NTPCR: variants seen among roughly 807,000 people sequenced by gnomAD.
NTPCR encodes the protein cancer-related nucleoside-triphosphatase.
Under a neutral mutation model 19.5 loss-of-function variants are expected in NTPCR, and 15 were observed. The observed-to-expected ratio is 0.77, with a 90% CI of 0.51 to 1.18. The LOEUF is 1.18. Among genes scored for constraint, NTPCR ranks in the 50% most tolerant of loss-of-function variants. The probability of loss-of-function intolerance (pLI) is 0.00; values close to 1 mark genes in which losing one functional copy is unlikely to be tolerated. For missense variants in NTPCR, 206 were observed against 240.4 expected (o/e 0.86, Z 0.95); for synonymous variants, 90 against 95.8 (o/e 0.94, Z 0.36).
At chr1:232,956,264 T>C in intron 2 of NTPCR, 83 bp from the exon 3 acceptor site, 1 of 889,050 alleles carries the variant, frequency 1.1e-6, no homozygotes, top group East Asian at 2.5e-5. Context: ...ATATGTGGAA[T>C]GCCAGAGGCT....
chr1:232,975,913 C>A (rs948635974), intron 4 of NTPCR, among the ~76,000 whole-genome samples: 2 of 152,178 alleles, frequency 1.3e-5, no homozygotes, highest in African/African-American at 4.8e-5. Flanking sequence ...AAAAAGTAGA[C>A]TAGAATTTCA....
rs566043988 is a variant in NTPCR at position 232,970,926 on chromosome 1, TG to T, written c.504+813del. On this transcript the variant is annotated intron_variant, in intron 4 of 4. Transcript: ENST00000366628. ...TGCCCTGGTCCAAGGAGTCAAACTCTGGGGGATGGCCCCATGATCTGTTCTG... is the reference window on the plus strand; with the variant it reads ...TGCCCTGGTCCAAGGAGTCAAACTCTGGGGATGGCCCCATGATCTGTTCTG... Among the ~76,000 whole-genome samples the T allele has an allele frequency of 6.2e-4, 95 of 152,296 alleles. 1 individual carries two copies. In the East Asian group the frequency reaches 0.012, roughly 19 times the overall value.
chr1:232,959,651 A>T (rs1351647647), intron 3 of NTPCR, among the ~76,000 whole-genome samples: 1 of 152,232 alleles, frequency 6.6e-6, no homozygotes, highest in African/African-American at 2.4e-5. Context: ...ACTGGCAATG[A>T]AAACAACCAA....
rs527938428 is a variant in NTPCR at position 232,955,540 on chromosome 1, T to A, written c.35-17T>A. 2.4e-4 allele frequency: 362 copies of A among 1,491,480 alleles called. No individual in the cohort carries two copies. Among genetic ancestry groups the A allele is most frequent in the Non-Finnish European group, 2.6e-4 (289 of 1,128,470 alleles). The allele number at this position is 1,491,480 out of a possible 1,614,324, so 92.4% of individuals were successfully genotyped here. ...TAATGGGCTTTTCTTCTTTTTTTTT[T>A]TTTTTTTTTATTTTAGGAGTTGGAA... On this transcript the variant is annotated splice_polypyrimidine_tract_variant and intron_variant, in intron 1 of 4. Transcript: ENST00000366628.
chr1:232,982,647 G>A lies in NTPCR; in HGVS notation c.*4416G>A, dbSNP rs1669313534. 1 of 152,290 alleles carries A rather than the reference G, an allele frequency of 6.6e-6. No individual in the cohort carries two copies. Among genetic ancestry groups the A allele is most frequent in the Non-Finnish European group, 1.5e-5 (1 of 68,094 alleles). 9.4% of individuals were successfully genotyped at this position (152,290 alleles called of 1,614,324 possible). On this transcript the variant is annotated 3_prime_UTR_variant, in exon 5 of 5. Transcript: ENST00000366628. The stretch of plus-strand genomic sequence containing the variant: ...GCGCTGCCATTTCCTTCCAGCCTGG[G>A]TTTCTAGCTCTTTGGGGAGATTCCC...
chr1:232,951,517 G>T (rs1449378615), intron 1 of NTPCR, among the ~76,000 whole-genome samples: 2 of 152,188 alleles, frequency 1.3e-5, no homozygotes, highest in Non-Finnish European at 2.9e-5. Flanking sequence ...TACTAAAAAG[G>T]ACAGGTAGGC....
intron 4 of NTPCR, among the ~76,000 whole-genome samples, chr1:232,975,617 G>A (rs1669104516): frequency 6.6e-6 from 1 of 152,180 alleles, no homozygotes; most frequent in African/African-American, 2.4e-5. Flanking sequence ...GGATGAATGA[G>A]ATGTGGCCTC....
intron 4 of NTPCR, among the ~76,000 whole-genome samples, chr1:232,975,611 G>T (rs79523633): frequency 0.053 from 7,995 of 152,234 alleles, 261 homozygotes; most frequent in Middle Eastern, 0.13. Flanking sequence ...GTCACAGGAT[G>T]AATGAGATGT....
chr1:232,970,401 T>C (rs1292399313), intron 4 of NTPCR, among the ~76,000 whole-genome samples: 1 of 152,220 alleles, frequency 6.6e-6, no homozygotes, highest in Non-Finnish European at 1.5e-5. Flanking sequence ...GGCATCAGAA[T>C]TGCCTGAGCT....
At chr1:232,972,192 A>G (rs1467926372) in intron 4 of NTPCR, among the ~76,000 whole-genome samples, 3 of 152,180 alleles carry the variant, frequency 2.0e-5, no homozygotes, top group Non-Finnish European at 2.9e-5. Context: ...AAATAAAACA[A>G]TTAGCTTTGA....
chr1:232,959,607 C>G (rs1163884775), intron 3 of NTPCR, among the ~76,000 whole-genome samples: 2 of 151,958 alleles, frequency 1.3e-5, no homozygotes, highest in African/African-American at 4.8e-5. Flanking sequence ...AATTAGGCAA[C>G]AAAACTGGGG....
intron 3 of NTPCR, chr1:232,969,351 C>T (rs1488321844): frequency 6.5e-6 from 1 of 154,838 alleles, no homozygotes; most frequent in Non-Finnish European, 1.4e-5. Context: ...ATAAGTGGCA[C>T]CCAAATACCT....
chr1:232,956,887 T>C (rs916369937), intron 3 of NTPCR, among the ~76,000 whole-genome samples: 2 of 152,216 alleles, frequency 1.3e-5, no homozygotes, highest in African/African-American at 4.8e-5. Flanking sequence ...AAAAAAACTT[T>C]ATTGACATCT....
At position 232,980,608 on chromosome 1, in the gene NTPCR, A is replaced by C. The variant is rs1048196682; in HGVS notation, c.*2377A>C. The stretch of plus-strand genomic sequence containing the variant: ...GAGCATGTATGGAGATGTCAGATGC[A>C]ATCCCTGTATTGTAAGGCAATGACA... On this transcript the variant is annotated 3_prime_UTR_variant, in exon 5 of 5. Coordinates refer to ENST00000366628, the MANE Select transcript of NTPCR (RefSeq NM_032324.3). The C allele has an allele frequency of 3.3e-5, 5 of 152,262 alleles. No homozygotes were observed. The highest frequency in any genetic ancestry group is 1.2e-4 in the African/African-American group (5 of 41,466). The allele number at this position is 152,262 out of a possible 1,614,324, so 9.4% of individuals were successfully genotyped here. A position where few individuals can be genotyped will look rare whatever the true frequency, so the allele number is the denominator to read the frequency against.
chr1:232,974,249 G>A (rs1669065279), intron 4 of NTPCR, among the ~76,000 whole-genome samples: 1 of 152,210 alleles, frequency 6.6e-6, no homozygotes, highest in Non-Finnish European at 1.5e-5. Flanking sequence ...TTTTCCAAGT[G>A]TTGAAACAAC....
In NTPCR at chr1:232,970,075, T is replaced by C. The variant is rs1172598404; in HGVS notation, c.461T>C (p.Leu154Pro). Residue 154 changes from leucine (L) to proline (P), a missense_variant, in exon 4 of 5, where the codon CTT (leucine) becomes CCT (proline). Physicochemically the swap from Leu to Pro is moderately conservative, Grantham distance 98. Coordinates refer to ENST00000366628, the MANE Select transcript of NTPCR (RefSeq NM_032324.3). The stretch of plus-strand genomic sequence containing the variant: ...GTTCCTAAAGGAAAGCCACTGGCTC[T>C]TGTAGAAGAAATCAGAAACAGAAAG... ...IPVPKGKPLA[L>P]VEEIRNRKDV... The C allele has an allele frequency of 1.9e-6, 3 of 1,614,166 alleles. No individual in the cohort carries two copies. The highest frequency in any genetic ancestry group is 2.2e-5 in the East Asian group (1 of 44,884).
intron 3 of NTPCR, among the ~76,000 whole-genome samples, chr1:232,957,886 C>T (rs76722769): frequency 0.037 from 5,609 of 152,116 alleles, 325 homozygotes; most frequent in African/African-American, 0.13. Context: ...GGGAAGATGA[C>T]ATTTAAACAG....
At chr1:232,952,881 A>C (rs1258782947) in intron 1 of NTPCR, among the ~76,000 whole-genome samples, 3 of 152,094 alleles carry the variant, frequency 2.0e-5, no homozygotes, top group Non-Finnish European at 4.4e-5. Flanking sequence ...GTCTGTACCC[A>C]TGACTCATCT....
At chr1:232,962,910 T>A (rs1384613318) in intron 3 of NTPCR, 1 of 152,170 alleles carries the variant, frequency 6.6e-6, no homozygotes, top group Non-Finnish European at 1.5e-5. Context: ...TTTGTTTTTG[T>A]TTTTTTAGAC....
Sources: allele counts gnomAD v4.1 joint callset (sites outside exome capture counted in the v4.1 genomes callset), GRCh38; gene constraint gnomAD v4.1.1; transcripts MANE v1.5; gene names NCBI Gene and HGNC (gene_info 2026-07-23, HGNC 2026-07-21).